PMEPA1: variants seen among roughly 807,000 people sequenced by gnomAD.
PMEPA1 encodes protein TMEPAI.
PMEPA1 carries 11 observed loss-of-function variants against 23.0 expected under a neutral mutation model. The ratio of observed to expected loss-of-function variants is 0.48; its 90% CI spans 0.30 to 0.79. The LOEUF is 0.79. Ranked by LOEUF, PMEPA1 falls within the 30% of genes least tolerant of loss-of-function variation. PMEPA1 has a pLI of 0.06. For synonymous variants in PMEPA1, 204 were observed against 166.4 expected, an observed-to-expected ratio of 1.23 and a Z score of -1.74; for missense variants, 377 against 390.9, an observed-to-expected ratio of 0.96 and a Z score of 0.30.
At position 57,703,593 on chromosome 20, in the gene PMEPA1, C is replaced by T. The variant is rs79401143; in HGVS notation, c.109+5881G>A. Among the ~76,000 whole-genome samples the T allele has an allele frequency of 3.7e-3, 566 of 152,286 alleles. 2 individuals are homozygous for T. The highest frequency in any genetic ancestry group is 6.7e-3 in the Non-Finnish European group (458 of 68,010). On this transcript the variant is annotated intron_variant, in intron 1 of 3. Transcript: ENST00000341744. ...AGCAACGGGCATGCTGGGGTCGTTG[C>T]CAGCCAGGTCTGCGGTGGGCCTGGC...
intron 1 of PMEPA1, among the ~76,000 whole-genome samples, chr20:57,670,278 C>A (rs1176441723): frequency 1.3e-5 from 2 of 152,194 alleles, no homozygotes; most frequent in Non-Finnish European, 2.9e-5. Context: ...CTCTCCTTCA[C>A]TGGGCCACTC....
At position 57,683,625 on chromosome 20, in the gene PMEPA1, A is replaced by C. The variant is rs1006743715; in HGVS notation, c.110-23928T>G. Among the ~76,000 whole-genome samples, 3 of 151,222 alleles carry C rather than the reference A, an allele frequency of 2.0e-5. No individual in the cohort carries two copies. The highest frequency in any genetic ancestry group is 4.4e-5 in the Non-Finnish European group (3 of 67,930). ...CTTCCCCTGAAAATACTTCATGTTG[A>C]TATTTCTTCTTAAAGATGCTGTAAT... On this transcript the variant is annotated intron_variant, in intron 1 of 3. Transcript: ENST00000341744. This position sits in a 1 kb window ranked among gnomAD's most constrained non-coding sequence, Gnocchi z 4.3.
rs1349254801 is a variant in PMEPA1, at chr20:57,650,237, T to G, written c.*1816A>C. ...TTATAAAAAAGTTGCTCACAAACAA[T>G]AGTTATTGCCTTTTATATCTTTTAT... On this transcript the variant is annotated 3_prime_UTR_variant, in exon 4 of 4. Coordinates refer to ENST00000341744, the MANE Select transcript of PMEPA1 (RefSeq NM_020182.5). 1.3e-5 allele frequency: 2 copies of G among 152,204 alleles called. No homozygotes were observed. Among genetic ancestry groups the G allele is most frequent in the East Asian group, 3.9e-4 (2 of 5,184 alleles). 9.4% of individuals were successfully genotyped at this position (152,204 alleles called of 1,614,324 possible).
chr20:57,661,387 G>C (rs2071416816), intron 1 of PMEPA1, among the ~76,000 whole-genome samples: 2 of 152,194 alleles, frequency 1.3e-5, no homozygotes, highest in Non-Finnish European at 2.9e-5. Context: ...AGCGTCCGGG[G>C]CCAAAGCTCC....
At chr20:57,671,269 T>C (rs1188549426) in intron 1 of PMEPA1, among the ~76,000 whole-genome samples, 4 of 152,198 alleles carry the variant, frequency 2.6e-5, no homozygotes, top group East Asian at 1.9e-4. Flanking sequence ...TCAGTGGACA[T>C]GTCGGAGGTG....
At chr20:57,657,986 T>C (rs1000417961) in intron 2 of PMEPA1, among the ~76,000 whole-genome samples, 2 of 152,144 alleles carry the variant, frequency 1.3e-5, no homozygotes, top group African/African-American at 4.8e-5. Flanking sequence ...CTGCCCCACG[T>C]GGTTGAGTTA....
At chr20:57,692,168 A>T (rs2071890893) in intron 1 of PMEPA1, among the ~76,000 whole-genome samples, 1 of 152,246 alleles carries the variant, frequency 6.6e-6, no homozygotes, top group African/African-American at 2.4e-5. Context: ...AAACTGTCTC[A>T]TTTAATTCTT....
At chr20:57,659,211 G>T (rs2071371956) in intron 2 of PMEPA1, among the ~76,000 whole-genome samples, 1 of 152,232 alleles carries the variant, frequency 6.6e-6, no homozygotes, top group Non-Finnish European at 1.5e-5. Flanking sequence ...ATGACAGCAA[G>T]GACCTGTGTG....
At position 57,649,901 on chromosome 20, in the gene PMEPA1, C is replaced by T. The variant is rs763918921; in HGVS notation, c.*2152G>A. The T allele has an allele frequency of 8.5e-5, 13 of 152,736 alleles. No individual in the cohort carries two copies. Among genetic ancestry groups the T allele is most frequent in the Admixed American group, 4.6e-4 (7 of 15,300 alleles). The allele number at this position is 152,736 out of a possible 1,614,324, so 9.5% of individuals were successfully genotyped here. A position where few individuals can be genotyped will look rare whatever the true frequency, so the allele number is the denominator to read the frequency against. On this transcript the variant is annotated 3_prime_UTR_variant, in exon 4 of 4. Coordinates refer to ENST00000341744, the MANE Select transcript of PMEPA1 (RefSeq NM_020182.5). The stretch of plus-strand genomic sequence containing the variant: ...TGCTTCTTCAGTAAGGCACTAGAGA[C>T]GCGTCACATAAAGGAAAGATACGTT...
chr20:57,710,426 G>A (rs1186638540), upstream of PMEPA1: 10 of 1,597,992 alleles, frequency 6.3e-6, no homozygotes, highest in Non-Finnish European at 8.5e-6. Flanking sequence ...AGAGAAATTG[G>A]AGAAAGGGGG....
rs534015175 is a variant in PMEPA1, at chr20:57,667,955, T to C, written c.110-8258A>G. 2.6e-3 allele frequency among the ~76,000 whole-genome samples: 400 copies of C among 152,376 alleles called. 2 individuals are homozygous for C. Among genetic ancestry groups the C allele is most frequent in the Middle Eastern group, 0.01 (3 of 294 alleles). ...GCCATTTCAAACACCCCCGACGGCA[T>C]GTCTATTTCTTAGGGTAAGACCTTT... On this transcript the variant is annotated intron_variant, in intron 1 of 3. Transcript: ENST00000341744.
intron 1 of PMEPA1, among the ~76,000 whole-genome samples, chr20:57,668,355 A>G (rs1041288576): frequency 2.0e-5 from 3 of 152,110 alleles, no homozygotes; most frequent in Non-Finnish European, 4.4e-5. Flanking sequence ...CCTTCAGTAA[A>G]TCTCCTGGTA....
intron 1 of PMEPA1, among the ~76,000 whole-genome samples, chr20:57,664,912 C>T (rs937504216): frequency 6.6e-6 from 1 of 152,212 alleles, no homozygotes; most frequent in Non-Finnish European, 1.5e-5. Flanking sequence ...AGATATGGAG[C>T]CACACCAATC....
chr20:57,705,184 C>T (rs73298694), intron 1 of PMEPA1, among the ~76,000 whole-genome samples: 5,954 of 152,270 alleles, frequency 0.039, 192 homozygotes, highest in African/African-American at 0.09. Flanking sequence ...CTCACAGGCG[C>T]GTGTGTGTTT....
intron 1 of PMEPA1, among the ~76,000 whole-genome samples, chr20:57,668,046 G>C (rs1202352491): frequency 2.0e-5 from 3 of 152,156 alleles, no homozygotes; most frequent in Non-Finnish European, 4.4e-5. Context: ...AATCTAGGCC[G>C]GTTTTCTCGT....
intron 1 of PMEPA1, among the ~76,000 whole-genome samples, chr20:57,660,559 C>G (rs1202182754): frequency 7.1e-6 from 1 of 140,602 alleles, no homozygotes; most frequent in Non-Finnish European, 1.5e-5. Flanking sequence ...CACACGTCAA[C>G]ACCAACACAT....
intron 1 of PMEPA1, among the ~76,000 whole-genome samples, chr20:57,666,658 C>T (rs150871130): frequency 4.6e-5 from 7 of 152,334 alleles, no homozygotes; most frequent in East Asian, 3.9e-4. Flanking sequence ...TCGCCCCCAA[C>T]GCAGTCCATG....
chr20:57,686,230 G>C (rs905344232), intron 1 of PMEPA1, among the ~76,000 whole-genome samples: 2 of 152,216 alleles, frequency 1.3e-5, no homozygotes, highest in Non-Finnish European at 2.9e-5. Context: ...CCCTGGGACT[G>C]TCAGCTTCCA....
intron 1 of PMEPA1, among the ~76,000 whole-genome samples, chr20:57,677,327 G>A (rs1218418957): frequency 5.3e-5 from 8 of 152,178 alleles, no homozygotes. Context: ...AAAGCACCTG[G>A]TGTGTAGGAA....
Sources: gnomAD v4.1 joint callset for allele counts (sites outside exome capture counted in the v4.1 genomes callset) on GRCh38, gnomAD v4.1.1 for gene constraint, Gnocchi (gnomAD v3.1) non-coding constraint, MANE v1.5 for transcripts, NCBI Gene and HGNC (gene_info 2026-07-23, HGNC 2026-07-21) for gene names.